FHIT: variants seen among roughly 807,000 people sequenced by gnomAD.
FHIT encodes bis(5'-adenosyl)-triphosphatase.
A neutral mutation model predicts 17.9 loss-of-function variants in FHIT; 19 were observed. The observed-to-expected ratio is 1.06, with a 90% CI of 0.74 to 1.56. The LOEUF (loss-of-function observed/expected upper bound fraction) is 1.56. FHIT is among the 40% of genes most tolerant of loss of function. The probability of loss-of-function intolerance (pLI) is 0.00; values close to 1 mark genes in which losing one functional copy is unlikely to be tolerated. For missense variants in FHIT, 248 were observed against 189.2 expected (o/e 1.31, Z -1.82); for synonymous variants, 81 against 69.7 (o/e 1.16, Z -0.81).
intron 8 of FHIT, among the ~76,000 whole-genome samples, chr3:59,842,824 T>C (rs905704807): frequency 1.7e-4 from 26 of 152,110 alleles, no homozygotes; most frequent in African/African-American, 6.3e-4. Flanking sequence ...TTATCAGATA[T>C]ATGATTTGCA....
intron 4 of FHIT, chr3:60,617,561 C>A (rs2038989414): frequency 6.6e-6 from 1 of 152,644 alleles, no homozygotes; most frequent in African/African-American, 2.4e-5. Context: ...TGAATTTTTA[C>A]AGGCAAGTTT....
intron 2 of FHIT, among the ~76,000 whole-genome samples, chr3:61,157,132 C>T (rs1483108810): frequency 1.3e-5 from 2 of 152,054 alleles, no homozygotes; most frequent in African/African-American, 4.8e-5. Flanking sequence ...AGAGAATAAA[C>T]ATATATTCCT....
intron 4 of FHIT, among the ~76,000 whole-genome samples, chr3:60,673,227 T>G (rs75370838): frequency 0.034 from 5,200 of 152,300 alleles, 125 homozygotes; most frequent in East Asian, 0.11. Flanking sequence ...GCTTTCACTT[T>G]CTTTTAGGCT....
rs533975816 is a variant in FHIT, at chr3:60,418,241, A to G, written c.103+118619T>C. Among the ~76,000 whole-genome samples the G allele has an allele frequency of 4.6e-5, 7 of 151,906 alleles. No homozygotes were observed. The East Asian group carries it at 1.4e-3, about 29-fold the overall frequency. ...AAAAGTCAGAAATCAAAAAGGCTTC[A>G]GAGAAGCTTTTTGTCTACTCATTTT... On this transcript the variant is annotated intron_variant, in intron 5 of 9. Coordinates refer to ENST00000492590, the MANE Select transcript of FHIT (RefSeq NM_002012.4).
intron 4 of FHIT, among the ~76,000 whole-genome samples, chr3:60,559,296 C>G (rs1425617048): frequency 6.6e-6 from 1 of 152,042 alleles, no homozygotes; most frequent in Non-Finnish European, 1.5e-5. Context: ...AAATTCAGCA[C>G]AAAACAAGAA....
intron 5 of FHIT, among the ~76,000 whole-genome samples, chr3:60,296,577 T>C (rs1708221568): frequency 6.6e-6 from 1 of 152,100 alleles, no homozygotes; most frequent in Non-Finnish European, 1.5e-5. Flanking sequence ...TATGTGGTTT[T>C]CAAATATTTA....
At chr3:60,770,793 A>G (rs1553722872) in intron 4 of FHIT, among the ~76,000 whole-genome samples, 1 of 152,236 alleles carries the variant, frequency 6.6e-6, no homozygotes, top group Non-Finnish European at 1.5e-5. Context: ...TGTTCCCAAA[A>G]GCTTAGCCTC....
At chr3:60,432,674 G>A (rs1191662213) in intron 5 of FHIT, among the ~76,000 whole-genome samples, 1 of 152,074 alleles carries the variant, frequency 6.6e-6, no homozygotes, top group East Asian at 1.9e-4. Flanking sequence ...CTTAAAAACT[G>A]TTTATGAAAA....
intron 3 of FHIT, among the ~76,000 whole-genome samples, chr3:60,901,955 C>G (rs1335238222): frequency 6.6e-6 from 1 of 151,968 alleles, no homozygotes; most frequent in South Asian, 2.1e-4. Context: ...TTTTTTGTAC[C>G]TCCTCAGTAT....
At chr3:60,603,269 A>C (rs912687144) in intron 4 of FHIT, among the ~76,000 whole-genome samples, 1 of 152,220 alleles carries the variant, frequency 6.6e-6, no homozygotes, top group Non-Finnish European at 1.5e-5. Context: ...GAAAAAATAC[A>C]TAGCTGAAGC....
chr3:60,368,190 CTTT>C (rs142853246), intron 5 of FHIT, among the ~76,000 whole-genome samples: 12,047 of 122,770 alleles, frequency 0.098, 723 homozygotes, highest in East Asian at 0.3. Flanking sequence ...TAAAACATAT[CTTT>C]TTAAAAAAAA....
intron 2 of FHIT, among the ~76,000 whole-genome samples, chr3:61,155,406 TAAAC>T (rs142905518): frequency 0.05 from 7,675 of 152,204 alleles, 230 homozygotes; most frequent in Middle Eastern, 0.12. Flanking sequence ...AGAACAGAAA[TAAAC>T]AAACTCTAGC....
intron 2 of FHIT, among the ~76,000 whole-genome samples, chr3:61,071,693 C>A (rs1306791984): frequency 6.6e-6 from 1 of 152,028 alleles, no homozygotes; most frequent in Non-Finnish European, 1.5e-5. Context: ...ATAAGTATTT[C>A]CATATATATT....
intron 5 of FHIT, among the ~76,000 whole-genome samples, chr3:60,123,919 A>G (rs1159878024): frequency 1.4e-5 from 2 of 142,374 alleles, no homozygotes; most frequent in Non-Finnish European, 3.0e-5. Flanking sequence ...CCTATCCACG[A>G]CTTAGTTTTG....
intron 5 of FHIT, among the ~76,000 whole-genome samples, chr3:60,202,369 C>T (rs1019133815): frequency 7.9e-5 from 12 of 152,142 alleles, no homozygotes; most frequent in African/African-American, 2.9e-4. Flanking sequence ...ATGCTTCCTC[C>T]ACATTTTCCT....
chr3:59,845,722 C>T (rs1017958258), intron 8 of FHIT, among the ~76,000 whole-genome samples: 11 of 152,090 alleles, frequency 7.2e-5, no homozygotes, highest in African/African-American at 1.9e-4. Flanking sequence ...AAATGTCTCA[C>T]GTGTACTTGA....
At chr3:59,776,373 T>C (rs1435200125) in intron 8 of FHIT, among the ~76,000 whole-genome samples, 5 of 152,334 alleles carry the variant, frequency 3.3e-5, no homozygotes, top group South Asian at 4.1e-4. Flanking sequence ...ATTAGGGACC[T>C]GAGGGCAGGG....
chr3:61,146,789 A>G (rs1254776140), intron 2 of FHIT, among the ~76,000 whole-genome samples: 2 of 152,088 alleles, frequency 1.3e-5, no homozygotes, highest in Admixed American at 1.3e-4. Flanking sequence ...GTAGGAACTT[A>G]TTAAAACTAT....
chr3:60,363,075 T>C (rs187847009), intron 5 of FHIT, among the ~76,000 whole-genome samples: 2 of 152,212 alleles, frequency 1.3e-5, no homozygotes, highest in Non-Finnish European at 2.9e-5. Flanking sequence ...CAGGTAAAAG[T>C]TTCCAGGGAA....
Sources: gnomAD v4.1 joint callset for allele counts (sites outside exome capture counted in the v4.1 genomes callset) on GRCh38, gnomAD v4.1.1 for gene constraint, MANE v1.5 for transcripts, NCBI Gene and HGNC (gene_info 2026-07-23, HGNC 2026-07-21) for gene names.